NIPSNAP2: variants seen among roughly 807,000 people sequenced by gnomAD.
NIPSNAP2 encodes nipsnap homolog 2, also known as protein NipSnap homolog 2.
In NIPSNAP2, 42 loss-of-function variants were observed where a neutral mutation model predicts 48.4. That is an observed-to-expected ratio of 0.87 (90% CI 0.68 to 1.12). The LOEUF (loss-of-function observed/expected upper bound fraction) is 1.12, where lower values mean the gene tolerates loss of function less well. NIPSNAP2 is among the 50% of genes most tolerant of loss of function. The probability of loss-of-function intolerance (pLI) is 0.00; values close to 1 mark genes in which losing one functional copy is unlikely to be tolerated. For missense variants in NIPSNAP2, 314 were observed against 347.3 expected (o/e 0.90, Z 0.76); for synonymous variants, 158 against 126.6 (o/e 1.25, Z -1.67).
rs75532426 is a variant in NIPSNAP2 at position 55,996,595 on chromosome 7, G to A, written c.713-771G>A. On this transcript the variant is annotated intron_variant, in intron 8 of 9. Transcript: ENST00000322090. ...CTCCCTGCCCAGATCAGTGTAGTGC[G>A]AGATAAATGTTGAGTAAAATTGATC... Among the ~76,000 whole-genome samples, 61 of 152,276 alleles carry A rather than the reference G, an allele frequency of 4.0e-4. 2 individuals are homozygous for A. Among genetic ancestry groups the A allele is most frequent in the Admixed American group, 1.3e-4 (2 of 15,268 alleles).
At position 55,999,017 on chromosome 7, in the gene NIPSNAP2, T is replaced by C. The variant is rs1787626064; in HGVS notation, c.806T>C (p.Ile269Thr). ...CTGATCTTGTTTTCAGTTCCACTTATTCAGGAAATGGAATCCAGAATCATG... is the reference window on the plus strand; with the variant it reads ...CTGATCTTGTTTTCAGTTCCACTTACTCAGGAAATGGAATCCAGAATCATG... ...EELVYYTVPL[I>T]QEMESRIMIP... Residue 269 changes from isoleucine to threonine, a missense_variant, in exon 10 of 10, where the codon ATT (isoleucine) becomes ACT (threonine). This residue lies in a region of NIPSNAP2 where 116 missense variants were observed against 161.8 expected (regional missense o/e 0.72). Coordinates refer to ENST00000322090, the MANE Select transcript of NIPSNAP2 (RefSeq NM_001483.3). 6.2e-7 allele frequency: 1 copy of C among 1,613,884 alleles called. No individual in the cohort carries two copies. The highest frequency in any genetic ancestry group is 2.2e-5 in the East Asian group (1 of 44,896).
chr7:55,997,164 A>G (rs1787578522), intron 8 of NIPSNAP2, among the ~76,000 whole-genome samples: 1 of 151,994 alleles, frequency 6.6e-6, no homozygotes, highest in African/African-American at 2.4e-5. Context: ...CTCAGAAAAA[A>G]AAAAAAAAAA....
intron 7 of NIPSNAP2, chr7:55,991,966 C>A: frequency 6.0e-6 from 1 of 166,534 alleles, no homozygotes; most frequent in South Asian, 1.3e-4. Flanking sequence ...TTATCACTAT[C>A]AATGAAAGCC....
intron 7 of NIPSNAP2, chr7:55,992,008 C>A: frequency 6.4e-6 from 1 of 155,900 alleles, no homozygotes; most frequent in Non-Finnish European, 1.4e-5. Flanking sequence ...AGTTAGAATG[C>A]ACATTGAAGT....
intron 1 of NIPSNAP2, among the ~76,000 whole-genome samples, chr7:55,966,244 G>C (rs2116323195): frequency 6.6e-6 from 1 of 152,304 alleles, no homozygotes; most frequent in Non-Finnish European, 1.5e-5. Context: ...GGAGTTGTCA[G>C]TATATAGGAA....
chr7:55,997,825 A>G (rs1040784877), intron 9 of NIPSNAP2, among the ~76,000 whole-genome samples: 1 of 152,196 alleles, frequency 6.6e-6, no homozygotes, highest in Non-Finnish European at 1.5e-5. Context: ...AACTTAATAC[A>G]TCAATTAAAG....
chr7:55,989,509 C>T (rs1472433849), intron 7 of NIPSNAP2, among the ~76,000 whole-genome samples: 1 of 151,992 alleles, frequency 6.6e-6, no homozygotes, highest in Non-Finnish European at 1.5e-5. Context: ...GCCTGTAGTC[C>T]CAGCTACTCT....
chr7:55,966,361 C>G (rs563303561), intron 1 of NIPSNAP2, among the ~76,000 whole-genome samples: 1 of 152,152 alleles, frequency 6.6e-6, no homozygotes, highest in Admixed American at 6.6e-5. Flanking sequence ...AATCCCTGCA[C>G]TTTGGAAGGT....
chr7:55,995,011 G>T, intron 8 of NIPSNAP2, 23 bp downstream of exon 8: 1 of 1,588,036 alleles, frequency 6.3e-7, no homozygotes, highest in Non-Finnish European at 8.6e-7. Flanking sequence ...CCCTTTTCGA[G>T]TTACTGGGAT....
In NIPSNAP2 at chr7:55,983,888, T is replaced by C. The variant is rs1047445895; in HGVS notation, c.585+20T>C. The C allele has an allele frequency of 3.7e-6, 6 of 1,606,524 alleles. No individual in the cohort carries two copies. The highest frequency in any genetic ancestry group is 5.1e-6 in the Non-Finnish European group (6 of 1,175,936). ...CTCCGAGTAAGTACAGAAATATAAG[T>C]TATTCCTTTTACTCCTCTGTGAAAA... is the stretch of plus-strand genomic sequence containing the variant. On this transcript the variant is annotated intron_variant, in intron 6 of 9. Coordinates refer to ENST00000322090, the MANE Select transcript of NIPSNAP2 (RefSeq NM_001483.3).
intron 6 of NIPSNAP2, among the ~76,000 whole-genome samples, 170 bp downstream of exon 6, chr7:55,984,038 C>G (rs1021002797): frequency 6.6e-6 from 1 of 151,964 alleles, no homozygotes; most frequent in Non-Finnish European, 1.5e-5. Flanking sequence ...CAAGGCTAAG[C>G]TCTTTTGCTT....
chr7:55,970,277 C>T (rs1412454086), intron 1 of NIPSNAP2, among the ~76,000 whole-genome samples: 1 of 151,526 alleles, frequency 6.6e-6, no homozygotes, highest in Non-Finnish European at 1.5e-5. Flanking sequence ...AGCCATATAC[C>T]ACGCTCCTGC....
intron 7 of NIPSNAP2, among the ~76,000 whole-genome samples, chr7:55,991,316 T>C (rs1013990867): frequency 6.6e-6 from 1 of 152,198 alleles, no homozygotes; most frequent in African/African-American, 2.4e-5. Flanking sequence ...TTTGTTCTTT[T>C]GTTTTTGGAC....
intron 7 of NIPSNAP2, among the ~76,000 whole-genome samples, chr7:55,991,186 T>G (rs1355052017): frequency 2.6e-5 from 4 of 152,242 alleles, no homozygotes; most frequent in African/African-American, 9.6e-5. Context: ...CTGTGATCTT[T>G]ATTTCTAATG....
intron 9 of NIPSNAP2, among the ~76,000 whole-genome samples, chr7:55,998,179 C>G (rs577285743): frequency 6.6e-6 from 1 of 151,616 alleles, no homozygotes; most frequent in Non-Finnish European, 1.5e-5. Context: ...GCAGGAGAAT[C>G]GCTTGAACCT....
rs1164855630 is a variant in NIPSNAP2, at chr7:55,998,493, G to GTTTTTTTTTT, written c.797-498_797-489dup. On this transcript the variant is annotated intron_variant, in intron 9 of 9. Coordinates refer to ENST00000322090, the MANE Select transcript of NIPSNAP2 (RefSeq NM_001483.3). The stretch of plus-strand genomic sequence containing the variant: ...TAAAACAAATATCCAGGTAGGATCT[G>GTTTTTTTTTT]TTTTTTTTTTTTTTTTTTTTTTTTT... Among the ~76,000 whole-genome samples, 19 of 63,196 alleles carry GTTTTTTTTTT rather than the reference G, an allele frequency of 3.0e-4. 4 individuals are homozygous for GTTTTTTTTTT. Among genetic ancestry groups the GTTTTTTTTTT allele is most frequent in the Non-Finnish European group, 4.2e-4 (14 of 33,732 alleles). 41.5% of individuals were successfully genotyped at this position (63,196 alleles called of 152,430 possible).
At chr7:55,987,740 A>C (rs1787361347) in intron 7 of NIPSNAP2, among the ~76,000 whole-genome samples, 1 of 152,174 alleles carries the variant, frequency 6.6e-6, no homozygotes, top group Non-Finnish European at 1.5e-5. Context: ...TCCTTATGTG[A>C]AGTATCCAGT....
Position 55,997,512 on chromosome 7 carries a change from C to T in NIPSNAP2, c.796+63C>T, listed in dbSNP as rs374016501. 7.0e-6 allele frequency: 9 copies of T among 1,277,864 alleles called. No homozygotes were observed. In the African/African-American group the frequency reaches 1.2e-4, roughly 17 times the overall value. The allele number at this position is 1,277,864 out of a possible 1,614,324, so 79.2% of individuals were successfully genotyped here. On this transcript the variant is annotated intron_variant, in intron 9 of 9. Coordinates refer to ENST00000322090, the MANE Select transcript of NIPSNAP2 (RefSeq NM_001483.3). ...TACTGTTTCAATCATGTTCTTTCACCCTGACACTAATAGGTGGGTTTTGTA... is the reference window on the plus strand; with the variant it reads ...TACTGTTTCAATCATGTTCTTTCACTCTGACACTAATAGGTGGGTTTTGTA...
chr7:55,997,541 G>A, intron 9 of NIPSNAP2, 92 bp downstream of exon 9: 1 of 973,334 alleles, frequency 1.0e-6, no homozygotes, highest in Non-Finnish European at 1.6e-6. Context: ...TTTTGTAATA[G>A]TATGTTGCTA....
Sources: gnomAD v4.1 joint callset for allele counts (sites outside exome capture counted in the v4.1 genomes callset) on GRCh38, gnomAD v4.1.1 for gene constraint, gnomAD v4.1.1 regional missense constraint, MANE v1.5 for transcripts, NCBI Gene and HGNC (gene_info 2026-07-23, HGNC 2026-07-21) for gene names.